The following RANBP2 variants were observed in gnomAD, a reference collection of about 807,000 sequenced individuals.
RANBP2 encodes the protein RAN binding protein 2.
Under a neutral mutation model 303.6 loss-of-function variants are expected in RANBP2, and 57 were observed. The ratio of observed to expected loss-of-function variants is 0.19; its 90% CI spans 0.15 to 0.23. The LOEUF (loss-of-function observed/expected upper bound fraction) is 0.23, where lower values mean the gene tolerates loss of function less well. RANBP2 is among the 10% of genes least tolerant of loss of function. The pLI is 1.00. For missense variants in RANBP2, 3,138 were observed against 3,780.8 expected, an observed-to-expected ratio of 0.83 and a Z score of 4.46; for synonymous variants, 1,167 against 1,301.5, an observed-to-expected ratio of 0.90 and a Z score of 2.23.
the RANBP2 span, among the ~76,000 whole-genome samples, chr2:109,510,163 C>G: frequency 6.6e-6 from 1 of 152,200 alleles, no homozygotes; most frequent in Non-Finnish European, 1.5e-5. Flanking sequence ...GATCAAGAAA[C>G]TGAGGGAGCC....
the RANBP2 span, among the ~76,000 whole-genome samples, chr2:109,247,477 T>G: frequency 1.3e-5 from 2 of 152,224 alleles, no homozygotes; most frequent in Non-Finnish European, 2.9e-5. Flanking sequence ...CTGGAAGTTT[T>G]TGTGCAAAAC....
chr2:109,057,340 T>C, the RANBP2 span, among the ~76,000 whole-genome samples: 1 of 152,226 alleles, frequency 6.6e-6, no homozygotes, highest in Non-Finnish European at 1.5e-5. Flanking sequence ...TTTTCATATT[T>C]CCAGTGATGT....
the RANBP2 span, among the ~76,000 whole-genome samples, chr2:108,969,449 G>A: frequency 6.6e-6 from 1 of 152,260 alleles, no homozygotes. Flanking sequence ...ATGTTTATGG[G>A]GCCAGACACC....
the RANBP2 span, among the ~76,000 whole-genome samples, chr2:108,997,459 A>AAAAAGAAAG: frequency 1.5e-5 from 2 of 131,370 alleles, no homozygotes; most frequent in East Asian, 3.9e-4. Flanking sequence ...AAAAAAAAAA[A>AAAAAGAAAG]AAAAGATGAT....
At chr2:108,736,357 C>T (rs1695585547) in intron 6 of RANBP2, 108 bp downstream of exon 6, 1 of 1,595,428 alleles carries the variant, frequency 6.3e-7, no homozygotes, top group Non-Finnish European at 8.6e-7. Context: ...TATAATGTAC[C>T]TAGGAGTTAT....
chr2:109,567,118 C>T, the RANBP2 span, among the ~76,000 whole-genome samples: 1 of 152,092 alleles, frequency 6.6e-6, no homozygotes, highest in African/African-American at 2.4e-5. Context: ...TTGAAAGTCA[C>T]TGTTAGGCGC....
chr2:109,227,538 G>A, the RANBP2 span, among the ~76,000 whole-genome samples: 2 of 152,212 alleles, frequency 1.3e-5, no homozygotes, highest in East Asian at 3.9e-4. Flanking sequence ...GGGTCTGCCT[G>A]GGCCCTGCCC....
the RANBP2 span, among the ~76,000 whole-genome samples, chr2:109,090,437 G>A: frequency 6.6e-6 from 1 of 151,904 alleles, no homozygotes; most frequent in African/African-American, 2.4e-5. Flanking sequence ...GCAAAAGTCA[G>A]AAATTAAATA....
At chr2:109,129,664 G>T in the RANBP2 span, 2 of 1,508,086 alleles carry the variant, frequency 1.3e-6, no homozygotes, top group South Asian at 2.5e-5. Flanking sequence ...CGCCGCGGGG[G>T]CGGGCGAGGA....
the RANBP2 span, among the ~76,000 whole-genome samples, chr2:109,360,933 G>A: frequency 6.6e-6 from 1 of 152,168 alleles, no homozygotes; most frequent in Non-Finnish European, 1.5e-5. Context: ...CCACCATTAA[G>A]TTTCTCGTAA....
At chr2:109,543,879 C>G in the RANBP2 span, 1 of 386,842 alleles carries the variant, frequency 2.6e-6, no homozygotes, top group Non-Finnish European at 4.6e-6. Flanking sequence ...TGCATATACA[C>G]AACGGGACCC....
the RANBP2 span, among the ~76,000 whole-genome samples, chr2:109,639,909 C>T: frequency 1.3e-5 from 2 of 151,504 alleles, no homozygotes; most frequent in African/African-American, 4.8e-5. Flanking sequence ...TAGGGTTTCA[C>T]CATATTGGTC....
At chr2:109,089,810 CA>C in the RANBP2 span, among the ~76,000 whole-genome samples, 1 of 152,070 alleles carries the variant, frequency 6.6e-6, no homozygotes, top group African/African-American at 2.4e-5. Flanking sequence ...ATGTAAGTTT[CA>C]AGTTTCAAGA....
chr2:109,764,817 A>G, the RANBP2 span, among the ~76,000 whole-genome samples: 2 of 122,878 alleles, frequency 1.6e-5, 1 homozygote, highest in Non-Finnish European at 3.3e-5. Context: ...CTAAAAGATC[A>G]TTTTATGCAT....
At chr2:109,490,743 G>A in the RANBP2 span, 63 of 1,536,230 alleles carry the variant, frequency 4.1e-5, no homozygotes, top group East Asian at 1.2e-4. Context: ...AGTGGGCCCC[G>A]AAGTGTCCTC....
At chr2:108,859,999 C>T in the RANBP2 span, among the ~76,000 whole-genome samples, 2 of 151,966 alleles carry the variant, frequency 1.3e-5, no homozygotes, top group Non-Finnish European at 2.9e-5. Flanking sequence ...TTATAGTTCT[C>T]CTTGTAGAGA....
the RANBP2 span, among the ~76,000 whole-genome samples, chr2:109,075,295 G>T: frequency 6.7e-6 from 1 of 150,188 alleles, no homozygotes; most frequent in South Asian, 2.1e-4. Context: ...CACAATCTCG[G>T]CTCACTGCAA....
At chr2:109,612,534 TAC>T in the RANBP2 span, among the ~76,000 whole-genome samples, 75 of 152,318 alleles carry the variant, frequency 4.9e-4, no homozygotes, top group South Asian at 1.2e-3. Context: ...TAACGCAAAA[TAC>T]AGTTTAATTC....
the RANBP2 span, among the ~76,000 whole-genome samples, chr2:109,654,137 T>G: frequency 2.0e-5 from 3 of 152,040 alleles, no homozygotes; most frequent in Admixed American, 6.6e-5. Context: ...CTGGGTGGAT[T>G]TGGAGTTCAA....
Sources: gnomAD v4.1 joint callset for allele counts (sites outside exome capture counted in the v4.1 genomes callset) on GRCh38, gnomAD v4.1.1 for gene constraint, MANE v1.5 for transcripts, NCBI Gene and HGNC (gene_info 2026-07-23, HGNC 2026-07-21) for gene names.